NAPA: variants seen among roughly 807,000 people sequenced by gnomAD.
The protein encoded by NAPA is alpha-soluble NSF attachment protein.
Under a neutral mutation model 48.0 loss-of-function variants are expected in NAPA, and 18 were observed. The observed-to-expected ratio is 0.38, with a 90% CI of 0.26 to 0.56. NAPA has a LOEUF of 0.56. Ranked by LOEUF, NAPA falls within the 20% of genes least tolerant of loss-of-function variation. The pLI is 0.77. For missense variants in NAPA, 315 were observed against 385.0 expected, an observed-to-expected ratio of 0.82 and a Z score of 1.52; for synonymous variants, 152 against 149.9, an observed-to-expected ratio of 1.01 and a Z score of -0.10.
Position 47,493,050 on chromosome 19 carries a change from G to A in NAPA, c.477-5C>T, listed in dbSNP as rs367758688. 8.7e-5 allele frequency: 140 copies of A among 1,614,064 alleles called. No homozygotes were observed. The highest frequency in any genetic ancestry group is 1.1e-4 in the Non-Finnish European group (131 of 1,180,026). On this transcript the variant is annotated splice_polypyrimidine_tract_variant and splice_region_variant and intron_variant, in intron 6 of 10. Coordinates refer to ENST00000263354, the MANE Select transcript of NAPA (RefSeq NM_003827.4). The surrounding 1 kb of genome is among the most constrained non-coding windows in gnomAD (Gnocchi z 6.4). ...AGCAGACACTTGTTGGCTGAGCTGT[G>A]TGGGGAGGAGTAGTGAGGGGAAGTG...
Position 47,514,869 on chromosome 19 carries a change from C to A in NAPA, c.72G>T (p.Ser24=). The part of the protein sequence containing the change: ...LAEAERKVKN[S]QSFFSGLFGG... ...CAAAGAGGCCAGAGAAGAAGGACTGCGAGTTCTTCACTTTGCGCTCCGCCT... is the reference window on the plus strand; with the variant it reads ...CAAAGAGGCCAGAGAAGAAGGACTGAGAGTTCTTCACTTTGCGCTCCGCCT... The change falls in exon 1 of 11, where the codon TCG becomes TCT. Residue 24 remains serine, a synonymous_variant. Coordinates refer to ENST00000263354, the MANE Select transcript of NAPA (RefSeq NM_003827.4). 1 of 1,614,030 alleles carries A rather than the reference C, an allele frequency of 6.2e-7. No individual in the cohort carries two copies. Among genetic ancestry groups the A allele is most frequent in the Non-Finnish European group, 8.5e-7 (1 of 1,179,984 alleles).
downstream of NAPA, among the ~76,000 whole-genome samples, chr19:47,486,962 A>G (rs557411517): frequency 3.3e-5 from 5 of 152,214 alleles, no homozygotes; most frequent in Non-Finnish European, 4.4e-5. Context: ...TTTTCCCATC[A>G]TGCCTGGGCA....
intron 3 of NAPA, chr19:47,496,687 C>T (rs1011915570): frequency 1.4e-5 from 4 of 288,310 alleles, no homozygotes; most frequent in South Asian, 2.9e-5. Context: ...CAAGAAGCGC[C>T]GGGGCTGGGC....
chr19:47,498,681 A>C (rs1968495155), intron 3 of NAPA, among the ~76,000 whole-genome samples: 1 of 152,186 alleles, frequency 6.6e-6, no homozygotes, highest in Non-Finnish European at 1.5e-5. Context: ...AGCCTCCCAA[A>C]GCACTGAAAT....
intron 7 of NAPA, chr19:47,492,438 C>T (rs550772275): frequency 1.6e-5 from 7 of 428,534 alleles, no homozygotes; most frequent in East Asian, 9.4e-5. Context: ...GCTGGCATGG[C>T]GGTGGGCAGA....
chr19:47,484,978 G>T (rs1968028476), downstream of NAPA, among the ~76,000 whole-genome samples: 1 of 152,136 alleles, frequency 6.6e-6, no homozygotes, highest in South Asian at 2.1e-4. Flanking sequence ...AGGATTATAG[G>T]CGTGAGCCCC....
chr19:47,493,641 G>T lies in NAPA; in HGVS notation c.343-148C>A. On this transcript the variant is annotated intron_variant, in intron 4 of 10. Transcript: ENST00000263354. The surrounding 1 kb of genome is among the most constrained non-coding windows in gnomAD (Gnocchi z 6.4). ...TGAGGTGTGAAGAAGATCGAGAGGTGGGGGAACACAGGAGTGAGAAGGGAG... is the reference window on the plus strand; with the variant it reads ...TGAGGTGTGAAGAAGATCGAGAGGTTGGGGAACACAGGAGTGAGAAGGGAG... 1 of 694,866 alleles carries T rather than the reference G, an allele frequency of 1.4e-6. No individual in the cohort carries two copies. The highest frequency in any genetic ancestry group is 2.6e-5 in the East Asian group (1 of 38,266). 43.0% of individuals were successfully genotyped at this position (694,866 alleles called of 1,614,324 possible). A position where few individuals can be genotyped will look rare whatever the true frequency, so the allele number is the denominator to read the frequency against.
At chr19:47,503,940 T>G (rs1968640219) in intron 1 of NAPA, among the ~76,000 whole-genome samples, 1 of 152,232 alleles carries the variant, frequency 6.6e-6, no homozygotes, top group South Asian at 2.1e-4. Flanking sequence ...CTTAATCCTG[T>G]GCCTTGCACT....
rs970993226 is a variant in NAPA, at chr19:47,506,642, G to A, written c.99-3140C>T. Among the ~76,000 whole-genome samples, 4 of 152,234 alleles carry A rather than the reference G, an allele frequency of 2.6e-5. No individual in the cohort carries two copies. The highest frequency in any genetic ancestry group is 2.1e-4 in the South Asian group (1 of 4,832). The stretch of plus-strand genomic sequence containing the variant: ...AACAATGAGCAGAGTCAGCCCAGCC[G>A]GGTTTATTTCAGGACGGACACAAAG... On this transcript the variant is annotated intron_variant, in intron 1 of 10. Transcript: ENST00000263354. The surrounding 1 kb of genome is among the most constrained non-coding windows in gnomAD (Gnocchi z 4.0).
At position 47,515,058 on chromosome 19, in the gene NAPA, G is replaced by A. The variant is rs1303461651; in HGVS notation, c.-118C>T. ...GCCCGGCTGCGTTGACGTCGCACCG[G>A]CGCGCGTCGCTTGCGGCCAGGAACC... On this transcript the variant is annotated 5_prime_UTR_variant, in exon 1 of 11. Coordinates refer to ENST00000263354, the MANE Select transcript of NAPA (RefSeq NM_003827.4). The A allele has an allele frequency of 2.9e-6, 3 of 1,046,822 alleles. No homozygotes were observed. The highest frequency in any genetic ancestry group is 2.8e-6 in the Non-Finnish European group (2 of 727,238). The allele number at this position is 1,046,822 out of a possible 1,614,324, so 64.8% of individuals were successfully genotyped here. A position where few individuals can be genotyped will look rare whatever the true frequency, so the allele number is the denominator to read the frequency against.
intron 4 of NAPA, among the ~76,000 whole-genome samples, chr19:47,494,735 CAAAAAAAA>C (rs11462456): frequency 2.1e-4 from 14 of 67,214 alleles, no homozygotes; most frequent in African/African-American, 7.8e-4. Flanking sequence ...AACTCTGTCT[CAAAAAAAA>C]AAAAAAAAAA....
rs759548632 is a variant in NAPA, at chr19:47,514,976, CT to C, written c.-37del. On this transcript the variant is annotated 5_prime_UTR_variant, in exon 1 of 11. Coordinates refer to ENST00000263354, the MANE Select transcript of NAPA (RefSeq NM_003827.4). The stretch of plus-strand genomic sequence containing the variant: ...AAGGGACTCAGCAAAGCGCCTGACC[CT>C]GACCCTGGGAAGACTCAGCCGCGGC... The C allele has an allele frequency of 6.2e-7, 1 of 1,602,838 alleles. No homozygotes were observed. Among genetic ancestry groups the C allele is most frequent in the Non-Finnish European group, 8.5e-7 (1 of 1,171,964 alleles).
At chr19:47,494,527 C>T (rs1030571784) in intron 4 of NAPA, among the ~76,000 whole-genome samples, 63 of 152,022 alleles carry the variant, frequency 4.1e-4, no homozygotes, top group African/African-American at 1.4e-3. Flanking sequence ...CACTTGAGGT[C>T]AGGAGTCTGA....
intron 1 of NAPA, among the ~76,000 whole-genome samples, chr19:47,513,132 C>T (rs961333376): frequency 2.0e-5 from 3 of 152,188 alleles, no homozygotes; most frequent in Admixed American, 2.0e-4. Flanking sequence ...CCTCCCACAC[C>T]ACCGCCCCCT....
chr19:47,503,455 G>C lies in NAPA; in HGVS notation c.146C>G (p.Ala49Gly). ...EEACEIYARA[A>G]NMFKMAKNWS... ...GTTTTTGGCCATTTTGAACATGTTTGCTGCTCTGGCGTAGATTTCGCATGC... is the reference window on the plus strand; with the variant it reads ...GTTTTTGGCCATTTTGAACATGTTTCCTGCTCTGGCGTAGATTTCGCATGC... The change falls in exon 2 of 11, where the codon GCA (alanine) becomes GGA (glycine). Residue 49 changes from alanine to glycine, a missense_variant. Physicochemically the swap from Ala to Gly is moderately conservative, Grantham distance 60. Around this residue, in one of 3 missense-constraint regions of NAPA, gnomAD observed 173 missense variants for 213.5 expected, o/e 0.81. Transcript: ENST00000263354. 1 of 1,614,216 alleles carries C rather than the reference G, an allele frequency of 6.2e-7. No individual in the cohort carries two copies. Among genetic ancestry groups the C allele is most frequent in the East Asian group, 2.2e-5 (1 of 44,886 alleles).
chr19:47,485,079 A>G (rs996998700), downstream of NAPA, among the ~76,000 whole-genome samples: 1 of 152,164 alleles, frequency 6.6e-6, no homozygotes. Context: ...TGATCCAGCT[A>G]TAATAACCAC....
chr19:47,488,493 CT>C (rs1040892519), intron 10 of NAPA, 104 bp from the exon 11 acceptor site: 12 of 864,350 alleles, frequency 1.4e-5, no homozygotes, highest in African/African-American at 6.6e-5. Flanking sequence ...TCTGTCACCC[CT>C]GGTCTCTGAG....
chr19:47,485,896 T>C (rs764371707), downstream of NAPA, among the ~76,000 whole-genome samples: 183 of 152,334 alleles, frequency 1.2e-3, no homozygotes, highest in Middle Eastern at 3.4e-3. Context: ...CTAGTGCCAC[T>C]TCAGCAGTGC....
intron 10 of NAPA, 81 bp downstream of exon 10, chr19:47,489,629 TG>T: frequency 1.4e-6 from 2 of 1,469,384 alleles, no homozygotes; most frequent in Non-Finnish European, 1.9e-6. Context: ...GTGAATGTCA[TG>T]GAGAGCGTGT....
Sources: allele counts gnomAD v4.1 joint callset (sites outside exome capture counted in the v4.1 genomes callset), GRCh38; gene constraint gnomAD v4.1.1; regional missense constraint gnomAD v4.1.1; non-coding constraint Gnocchi (gnomAD v3.1); transcripts MANE v1.5; gene names NCBI Gene and HGNC (gene_info 2026-07-23, HGNC 2026-07-21).